The following LSAMP variants were observed in gnomAD, a reference collection of about 807,000 sequenced individuals.
The protein encoded by LSAMP is limbic system-associated membrane protein.
In LSAMP, 7 loss-of-function variants were observed where a neutral mutation model predicts 38.6. The ratio of observed to expected loss-of-function variants is 0.18; its 90% CI spans 0.10 to 0.34. The LOEUF (loss-of-function observed/expected upper bound fraction) is 0.34, where lower values mean the gene tolerates loss of function less well. LSAMP is among the 10% of genes least tolerant of loss of function. LSAMP has a pLI of 1.00. For synonymous variants in LSAMP, 154 were observed against 166.8 expected (o/e 0.92, Z 0.59); for missense variants, 313 against 420.0 (o/e 0.75, Z 2.23).
chr3:116,162,328 T>C (rs1709907439), intron 1 of LSAMP, among the ~76,000 whole-genome samples: 1 of 152,138 alleles, frequency 6.6e-6, no homozygotes, highest in South Asian at 2.1e-4. Context: ...AGTCACCTTG[T>C]TCCTGGGAGA....
chr3:116,196,446 C>T (rs1187035982), intron 1 of LSAMP, among the ~76,000 whole-genome samples: 1 of 152,022 alleles, frequency 6.6e-6, no homozygotes, highest in African/African-American at 2.4e-5. Context: ...TGCGAATTGA[C>T]CAGTGGGTAG....
intron 1 of LSAMP, among the ~76,000 whole-genome samples, chr3:116,097,574 CATA>C (rs1708251766): frequency 6.6e-6 from 1 of 152,168 alleles, no homozygotes; most frequent in Non-Finnish European, 1.5e-5. Context: ...GAAGTTAACA[CATA>C]ATAAGTATGT....
intron 1 of LSAMP, among the ~76,000 whole-genome samples, chr3:116,234,051 A>C (rs1242297198): frequency 1.3e-5 from 2 of 152,222 alleles, no homozygotes; most frequent in African/African-American, 2.4e-5. Flanking sequence ...ACTGGCTCAA[A>C]TATTTTTAAG....
chr3:116,223,647 AT>A (rs1396030191), intron 1 of LSAMP, among the ~76,000 whole-genome samples: 1 of 152,212 alleles, frequency 6.6e-6, no homozygotes, highest in Non-Finnish European at 1.5e-5. Context: ...TACAGTTTTT[AT>A]TAAAGTGGTG....
chr3:115,900,254 C>A (rs1043325280), intron 3 of LSAMP, among the ~76,000 whole-genome samples: 2 of 152,110 alleles, frequency 1.3e-5, no homozygotes, highest in Non-Finnish European at 2.9e-5. Context: ...GTGGCTCATG[C>A]CTGTAATACC....
chr3:116,200,213 A>G lies in LSAMP; in HGVS notation c.156-113657T>C, dbSNP rs148145558. On this transcript the variant is annotated intron_variant, in intron 1 of 6. Transcript: ENST00000490035. ...AGTTCATACGAAATGCTAGCAGAAG[A>G]GAGGGCACCATTTTCTGTGGTTACT... 2.4e-4 allele frequency among the ~76,000 whole-genome samples: 36 copies of G among 152,270 alleles called. No individual in the cohort carries two copies. In the East Asian group the frequency reaches 7.0e-3, roughly 29 times the overall value.
chr3:116,261,101 T>C (rs1379740706), intron 1 of LSAMP, among the ~76,000 whole-genome samples: 1 of 152,216 alleles, frequency 6.6e-6, no homozygotes, highest in Non-Finnish European at 1.5e-5. Context: ...ATTATTCCTT[T>C]GCCTCCTTAG....
chr3:116,055,335 A>G (rs1474671060), intron 2 of LSAMP, among the ~76,000 whole-genome samples: 6 of 152,220 alleles, frequency 3.9e-5, no homozygotes, highest in Non-Finnish European at 7.3e-5. Flanking sequence ...AAAGTGGGCA[A>G]GAGTGACCTG....
intron 3 of LSAMP, among the ~76,000 whole-genome samples, chr3:115,869,789 G>C (rs1485059736): frequency 6.6e-6 from 1 of 151,950 alleles, no homozygotes; most frequent in African/African-American, 2.4e-5. Context: ...AAATGCATAC[G>C]TCTTTTCCGA....
At chr3:115,850,389 A>T (rs545925661) in intron 4 of LSAMP, among the ~76,000 whole-genome samples, 1 of 152,324 alleles carries the variant, frequency 6.6e-6, no homozygotes, top group South Asian at 2.1e-4. Flanking sequence ...AGGTCAATTA[A>T]GAGAAAATGA....
intron 1 of LSAMP, among the ~76,000 whole-genome samples, chr3:116,390,448 AG>A (rs1343731560): frequency 6.6e-6 from 1 of 152,172 alleles, no homozygotes; most frequent in East Asian, 1.9e-4. Flanking sequence ...AGGTTAGTTA[AG>A]GGCATTCCAA....
chr3:115,873,825 A>T (rs925004791), intron 3 of LSAMP, among the ~76,000 whole-genome samples: 5 of 152,144 alleles, frequency 3.3e-5, no homozygotes, highest in South Asian at 2.1e-4. Context: ...CCACAGTTAT[A>T]TTTAATAGCT....
chr3:116,041,796 C>CAAAAAAAAAAA (rs148805855), intron 2 of LSAMP, among the ~76,000 whole-genome samples: 1 of 57,080 alleles, frequency 1.8e-5, no homozygotes, highest in African/African-American at 4.5e-5. Flanking sequence ...TGAAAGCATG[C>CAAAAAAAAAAA]AAAAAAAAAC....
chr3:116,079,763 C>CA (rs920879837), intron 2 of LSAMP, among the ~76,000 whole-genome samples: 13 of 148,696 alleles, frequency 8.7e-5, no homozygotes, highest in Non-Finnish European at 1.2e-4. Flanking sequence ...AGAGTTTTGT[C>CA]AAAAAAAAAG....
intron 2 of LSAMP, among the ~76,000 whole-genome samples, chr3:116,039,995 G>C (rs924332081): frequency 3.4e-5 from 5 of 148,146 alleles, no homozygotes; most frequent in Non-Finnish European, 7.4e-5. Flanking sequence ...GCCTCTCTTT[G>C]GGGGGGGAAA....
At chr3:116,204,894 T>A (rs1339458136) in intron 1 of LSAMP, among the ~76,000 whole-genome samples, 3 of 142,090 alleles carry the variant, frequency 2.1e-5, no homozygotes, top group Non-Finnish European at 4.7e-5. Flanking sequence ...GGCTCTTTTT[T>A]GGTTCCATAT....
intron 2 of LSAMP, among the ~76,000 whole-genome samples, chr3:116,032,171 A>G (rs1172307355): frequency 4.6e-5 from 7 of 152,130 alleles, no homozygotes; most frequent in Admixed American, 4.6e-4. Flanking sequence ...TCAACATTAC[A>G]TAATAAAAGA....
chr3:116,364,183 T>C (rs1176826902), intron 1 of LSAMP, among the ~76,000 whole-genome samples: 1 of 58,082 alleles, frequency 1.7e-5, no homozygotes, highest in Admixed American at 1.9e-4. Flanking sequence ...ACAAAATCAG[T>C]GTACAAAAAT....
intron 1 of LSAMP, among the ~76,000 whole-genome samples, chr3:116,152,368 T>C (rs1709632489): frequency 6.6e-6 from 1 of 152,092 alleles, no homozygotes; most frequent in East Asian, 1.9e-4. Flanking sequence ...AAAAAGTAGT[T>C]TAAAAGCTAA....
Sources: allele counts gnomAD v4.1 joint callset (sites outside exome capture counted in the v4.1 genomes callset), GRCh38; gene constraint gnomAD v4.1.1; transcripts MANE v1.5; gene names NCBI Gene and HGNC (gene_info 2026-07-23, HGNC 2026-07-21).